SIPA1L1: variants seen among roughly 807,000 people sequenced by gnomAD.
The protein encoded by SIPA1L1 is signal-induced proliferation-associated 1-like protein 1.
In SIPA1L1, 26 loss-of-function variants were observed where a neutral mutation model predicts 162.7. The ratio of observed to expected loss-of-function variants is 0.16; its 90% confidence interval spans 0.12 to 0.22. SIPA1L1 has a LOEUF of 0.22. Ranked by LOEUF, SIPA1L1 falls within the 10% of genes least tolerant of loss-of-function variation. The pLI, the probability that SIPA1L1 is intolerant of heterozygous loss-of-function variation, is 1.00. For missense variants in SIPA1L1, 1,874 were observed against 2,241.0 expected (o/e 0.84, Z 3.31); for synonymous variants, 829 against 837.4 (o/e 0.99, Z 0.17).
intron 2 of SIPA1L1, among the ~76,000 whole-genome samples, chr14:71,323,258 G>A (rs1253360578): frequency 6.6e-6 from 1 of 152,180 alleles, no homozygotes; most frequent in Non-Finnish European, 1.5e-5. Context: ...TCTTGGTTGA[G>A]TTGTGATGTA....
chr14:71,570,572 C>T (rs2031783307), intron 4 of SIPA1L1, among the ~76,000 whole-genome samples: 1 of 152,000 alleles, frequency 6.6e-6, no homozygotes, highest in African/African-American at 2.4e-5. Flanking sequence ...GCCCAGTCTG[C>T]TATTTTAATG....
At chr14:71,636,439 T>C (rs2041156794) in intron 7 of SIPA1L1, among the ~76,000 whole-genome samples, 1 of 152,166 alleles carries the variant, frequency 6.6e-6, no homozygotes, top group African/African-American at 2.4e-5. Context: ...GATTTCTAAG[T>C]AACCAGTAGG....
chr14:71,493,899 C>T (rs1295908559), intron 2 of SIPA1L1, among the ~76,000 whole-genome samples: 2 of 152,166 alleles, frequency 1.3e-5, no homozygotes, highest in Non-Finnish European at 1.5e-5. Context: ...GAACTTTATA[C>T]TCCTGATCAC....
Position 71,594,146 on chromosome 14 carries a change from T to G in SIPA1L1, c.1498+4776T>G, listed in dbSNP as rs28523699. Among the ~76,000 whole-genome samples the G allele has an allele frequency of 7.5e-3, 1,148 of 152,304 alleles. 14 individuals carry two copies. Among genetic ancestry groups the G allele is most frequent in the African/African-American group, 0.026 (1,075 of 41,552 alleles). On this transcript the variant is annotated intron_variant, in intron 5 of 23. Coordinates refer to ENST00000381232, the MANE Select transcript of SIPA1L1 (RefSeq NM_001386936.1). ...ACAAAGCACATTTCAGTTGCTGTTT[T>G]CTGTCTTTACCTCTCACCCTCTTGT... is the stretch of plus-strand genomic sequence containing the variant.
chr14:71,561,836 C>T (rs923398929), intron 4 of SIPA1L1, among the ~76,000 whole-genome samples: 4 of 152,234 alleles, frequency 2.6e-5, no homozygotes, highest in Admixed American at 2.0e-4. Context: ...ATCTGCCTGC[C>T]TCAGCCTCCC....
At chr14:71,577,846 C>A (rs981784503) in intron 4 of SIPA1L1, among the ~76,000 whole-genome samples, 3 of 151,952 alleles carry the variant, frequency 2.0e-5, no homozygotes, top group Admixed American at 2.0e-4. Context: ...GCCCTGCCAC[C>A]TCAGCCTCCT....
At chr14:71,672,693 T>G in intron 12 of SIPA1L1, 71 bp downstream of exon 12, 5 of 1,496,246 alleles carry the variant, frequency 3.3e-6, no homozygotes, top group African/African-American at 1.4e-5. Context: ...GAACATCTCT[T>G]AGCAGGTAGT....
chr14:71,642,375 C>A (rs772464975), intron 7 of SIPA1L1, among the ~76,000 whole-genome samples: 4 of 152,052 alleles, frequency 2.6e-5, no homozygotes, highest in Non-Finnish European at 5.9e-5. Flanking sequence ...AGGAGAGAGC[C>A]GTAAACAGTC....
chr14:71,651,489 T>G (rs759934988), intron 8 of SIPA1L1, among the ~76,000 whole-genome samples: 1 of 152,206 alleles, frequency 6.6e-6, no homozygotes, highest in Non-Finnish European at 1.5e-5. Context: ...TTAAAACCCA[T>G]AAATAGCCTA....
At chr14:71,356,702 T>C (rs937739720) in intron 2 of SIPA1L1, among the ~76,000 whole-genome samples, 1 of 151,544 alleles carries the variant, frequency 6.6e-6, no homozygotes, top group African/African-American at 2.4e-5. Context: ...GGCAACAGAG[T>C]GAGACCATGT....
intron 2 of SIPA1L1, among the ~76,000 whole-genome samples, chr14:71,479,699 C>T (rs776141950): frequency 1.3e-5 from 2 of 152,066 alleles, no homozygotes; most frequent in Non-Finnish European, 2.9e-5. Flanking sequence ...TGAACCAACA[C>T]ACCTGTCTAA....
rs1203612932 is a variant in SIPA1L1, at chr14:71,603,360, AG to A, written c.1498+13996del. ...ATTTACATTCAAGGTTATTATTTATAGGGGGGACATATTTCTGTCACTTTAT... is the reference window on the plus strand; with the variant it reads ...ATTTACATTCAAGGTTATTATTTATAGGGGGACATATTTCTGTCACTTTAT... On this transcript the variant is annotated intron_variant, in intron 5 of 23. Transcript: ENST00000381232. 2.0e-5 allele frequency among the ~76,000 whole-genome samples: 3 copies of A among 152,196 alleles called. No individual in the cohort carries two copies. The East Asian group carries it at 5.8e-4, about 29-fold the overall frequency.
At chr14:71,374,659 T>A (rs1414169478) in intron 2 of SIPA1L1, among the ~76,000 whole-genome samples, 1 of 151,692 alleles carries the variant, frequency 6.6e-6, no homozygotes, top group Non-Finnish European at 1.5e-5. Flanking sequence ...TGCTGTATGC[T>A]TCCTGCTTCT....
chr14:71,492,843 C>G (rs2143008121), intron 2 of SIPA1L1, among the ~76,000 whole-genome samples: 1 of 150,454 alleles, frequency 6.6e-6, no homozygotes, highest in African/African-American at 2.4e-5. Context: ...CCAGGCTGGT[C>G]TCAAACTCCT....
chr14:71,500,994 G>A (rs1367937598), intron 2 of SIPA1L1, among the ~76,000 whole-genome samples: 4 of 151,924 alleles, frequency 2.6e-5, no homozygotes, highest in African/African-American at 9.7e-5. Context: ...CAACAAGAGC[G>A]AAACTCCGCC....
At chr14:71,690,662 G>C (rs1241573710) in intron 13 of SIPA1L1, among the ~76,000 whole-genome samples, 1 of 152,122 alleles carries the variant, frequency 6.6e-6, no homozygotes, top group East Asian at 1.9e-4. Flanking sequence ...AGGTATTCCT[G>C]ATTTTTTTTG....
intron 3 of SIPA1L1, among the ~76,000 whole-genome samples, chr14:71,521,232 C>T (rs1225019818): frequency 6.6e-6 from 1 of 152,168 alleles, no homozygotes; most frequent in Non-Finnish European, 1.5e-5. Context: ...AAGAGAGAAG[C>T]ATACGAATTT....
intron 2 of SIPA1L1, among the ~76,000 whole-genome samples, chr14:71,374,565 TA>T: frequency 6.6e-6 from 1 of 152,068 alleles, no homozygotes; most frequent in South Asian, 2.1e-4. Flanking sequence ...ATATTATTTT[TA>T]ATTTTTAATT....
At position 71,625,480 on chromosome 14, in the gene SIPA1L1, A is replaced by G. The variant is rs553895532; in HGVS notation, c.1818+1244A>G. ...GCGCCTGGCCAGGTGTCTCTTTTCT[A>G]ATCTTTGCCTTTTTCTATCCATTTC... On this transcript the variant is annotated intron_variant, in intron 7 of 23. Coordinates refer to ENST00000381232, the MANE Select transcript of SIPA1L1 (RefSeq NM_001386936.1). Among the ~76,000 whole-genome samples the G allele has an allele frequency of 2.6e-4, 40 of 152,216 alleles. 1 individual carries two copies. The South Asian group carries it at 4.8e-3, about 18-fold the overall frequency.
Sources: allele counts gnomAD v4.1 joint callset (sites outside exome capture counted in the v4.1 genomes callset), GRCh38; gene constraint gnomAD v4.1.1; transcripts MANE v1.5; gene names NCBI Gene and HGNC (gene_info 2026-07-23, HGNC 2026-07-21).